Variants in MGA observed in about 807,000 individuals in gnomAD.
MGA encodes the protein MAX gene-associated protein.
Under a neutral mutation model 261.1 loss-of-function variants are expected in MGA, and 40 were observed. The ratio of observed to expected loss-of-function variants is 0.15; its 90% CI spans 0.12 to 0.20. MGA has a LOEUF of 0.20. MGA is among the 10% of genes least tolerant of loss of function. MGA has a pLI of 1.00. For missense variants in MGA, 3,397 were observed against 3,630.5 expected (o/e 0.94, Z 1.65); for synonymous variants, 1,302 against 1,290.6 (o/e 1.01, Z -0.19).
chr15:41,710,750 G>A lies in MGA; in HGVS notation c.2485G>A (p.Glu829Lys). The A allele has an allele frequency of 1.9e-6, 3 of 1,613,808 alleles. No homozygotes were observed. Among genetic ancestry groups the A allele is most frequent in the South Asian group, 2.2e-5 (2 of 91,070 alleles). ...TGCTTTCTGTAGTGATAAGCTAGAT[G>A]AATACTTGGAAAATGAAGGCAAGCT... is the stretch of plus-strand genomic sequence containing the variant. Residue 829 changes from glutamate (E) to lysine (K), a missense_variant, in exon 8 of 24, where the codon GAA (glutamate) becomes AAA (lysine). Coordinates refer to ENST00000219905, the MANE Select transcript of MGA (RefSeq NM_001164273.2).
At chr15:41,621,641 GGTGGC>G (rs1410028496) in intron 1 of MGA, 2 of 152,106 alleles carry the variant, frequency 1.3e-5, no homozygotes, top group Non-Finnish European at 2.9e-5. Context: ...CCACGCGCCT[GGTGGC>G]GTGTTCTTGG....
rs574743877 is a variant in MGA, at chr15:41,697,152, G to T, written c.2013+129G>T. On this transcript the variant is annotated intron_variant, in intron 3 of 23. Transcript: ENST00000219905. ...TTTGTGAGGGTGTATGGGGGGTGGA[G>T]TTGGGAGGGAAGTGTCTCCAAAATG... is the stretch of plus-strand genomic sequence containing the variant. The T allele has an allele frequency of 4.8e-4, 360 of 752,458 alleles. 1 individual carries two copies. The South Asian group carries it at 8.1e-3, about 17-fold the overall frequency. 46.6% of individuals were successfully genotyped at this position (752,458 alleles called of 1,614,324 possible).
intron 16 of MGA, 21 bp from the exon 17 acceptor site, chr15:41,749,088 TTC>T (rs759348542): frequency 1.0e-5 from 16 of 1,586,806 alleles, no homozygotes; most frequent in East Asian, 2.2e-5. Flanking sequence ...ATTTAAAAAT[TTC>T]TCTCTTATTT....
chr15:41,695,863 G>C (rs2059529261), intron 2 of MGA, among the ~76,000 whole-genome samples: 2 of 152,154 alleles, frequency 1.3e-5, no homozygotes, highest in South Asian at 4.1e-4. Flanking sequence ...TCCGGTTTGT[G>C]TTGCAATTCT....
chr15:41,696,222 GGAAGAGACAGAT>G lies in MGA; in HGVS notation c.1221_1232del (p.Glu409_Asp412del). The G allele has an allele frequency of 7.4e-6, 12 of 1,613,970 alleles. No individual in the cohort carries two copies. The highest frequency in any genetic ancestry group is 1.0e-5 in the Non-Finnish European group (12 of 1,179,896). ...GCCCAGAAGGGGTCACTGTGAAACA[GGAAGAGACAGAT>G]GAAGAGACGGATGTATACTCAAACA... On this transcript the variant is annotated inframe_deletion, in exon 3 of 24. Transcript: ENST00000219905.
rs767990385 is a variant in MGA, at chr15:41,710,840, A to G, written c.2575A>G (p.Thr859Ala). Reference sequence around the variant, plus strand: ...ATCTCCTGTGGTGTACCAGCTTCCCACTAAGAGTACCAGTTATGTACGAAC... The same window carrying G: ...ATCTCCTGTGGTGTACCAGCTTCCCGCTAAGAGTACCAGTTATGTACGAAC... The change falls in exon 8 of 24, where the codon ACT becomes GCT. Residue 859 changes from threonine (T) to alanine (A), a missense_variant. Thr to Ala is a moderately conservative substitution (Grantham distance 58, BLOSUM62 0). Around this residue, in one of 9 missense-constraint regions of MGA, gnomAD observed 519 missense variants for 554.1 expected, o/e 0.94. Coordinates refer to ENST00000219905, the MANE Select transcript of MGA (RefSeq NM_001164273.2). 5 of 1,613,856 alleles carry G rather than the reference A, an allele frequency of 3.1e-6. No homozygotes were observed. The South Asian group carries it at 5.5e-5, about 18-fold the overall frequency.
chr15:41,641,248 G>A (rs1261413626), intron 1 of MGA, among the ~76,000 whole-genome samples: 1 of 152,038 alleles, frequency 6.6e-6, no homozygotes, highest in Non-Finnish European at 1.5e-5. Context: ...ATGAACATTT[G>A]GGTTATTTTC....
At chr15:41,725,132 T>C (rs1402610176) in intron 9 of MGA, among the ~76,000 whole-genome samples, 2 of 152,200 alleles carry the variant, frequency 1.3e-5, no homozygotes, top group East Asian at 1.9e-4. Context: ...GAAATACATT[T>C]ACTTCACTAC....
chr15:41,722,449 T>C (rs2060998874), intron 9 of MGA, among the ~76,000 whole-genome samples: 1 of 151,954 alleles, frequency 6.6e-6, no homozygotes, highest in Admixed American at 6.6e-5. Context: ...AAAATTAAGG[T>C]ATGATATTTA....
At chr15:41,726,589 T>C (rs1381013878) in intron 9 of MGA, among the ~76,000 whole-genome samples, 1 of 151,832 alleles carries the variant, frequency 6.6e-6, no homozygotes, top group Non-Finnish European at 1.5e-5. Context: ...ATTAGCCAGG[T>C]GTGGTGGCAT....
At chr15:41,675,009 G>A (rs1462504420) in intron 2 of MGA, among the ~76,000 whole-genome samples, 1 of 152,020 alleles carries the variant, frequency 6.6e-6, no homozygotes, top group African/African-American at 2.4e-5. Flanking sequence ...CATTGTTTTT[G>A]CCTCCTTACA....
chr15:41,690,994 G>GTTTTTT (rs386382831), intron 2 of MGA, among the ~76,000 whole-genome samples: 24 of 104,292 alleles, frequency 2.3e-4, no homozygotes, highest in East Asian at 1.8e-3. Flanking sequence ...AGATTGCTTT[G>GTTTTTT]TTTTTTTTTT....
At chr15:41,650,364 G>C (rs1481845949) in intron 1 of MGA, among the ~76,000 whole-genome samples, 1 of 152,120 alleles carries the variant, frequency 6.6e-6, no homozygotes, top group East Asian at 1.9e-4. Context: ...TCAACTTCTA[G>C]ACATTCTTTA....
chr15:41,671,997 A>T (rs903516297), intron 2 of MGA, among the ~76,000 whole-genome samples: 8 of 152,228 alleles, frequency 5.3e-5, no homozygotes, highest in Non-Finnish European at 1.2e-4. Context: ...TTGATTATCT[A>T]ACATAATTAA....
At position 41,742,540 on chromosome 15, in the gene MGA, T is replaced by C. The variant is rs754820129; in HGVS notation, c.4586-6T>C. The C allele has an allele frequency of 1.9e-6, 3 of 1,607,736 alleles. No homozygotes were observed. ...AGATTTTTGACCTGCAAATTTCTGT[T>C]TGCAGCGGCTCGACCCTCTCCTGGT... is the stretch of plus-strand genomic sequence containing the variant. On this transcript the variant is annotated splice_region_variant and splice_polypyrimidine_tract_variant and intron_variant, in intron 14 of 23. Coordinates refer to ENST00000219905, the MANE Select transcript of MGA (RefSeq NM_001164273.2).
At chr15:41,680,316 A>C (rs2058599549) in intron 2 of MGA, among the ~76,000 whole-genome samples, 1 of 152,234 alleles carries the variant, frequency 6.6e-6, no homozygotes, top group Non-Finnish European at 1.5e-5. Flanking sequence ...CAATAATGTT[A>C]CTAATCTACT....
At chr15:41,678,160 G>A (rs965042715) in intron 2 of MGA, among the ~76,000 whole-genome samples, 2 of 148,590 alleles carry the variant, frequency 1.3e-5, no homozygotes, top group African/African-American at 2.5e-5. Context: ...GTGTGATCTC[G>A]ACTCACTGCA....
intron 2 of MGA, among the ~76,000 whole-genome samples, chr15:41,686,076 C>G (rs776292094): frequency 7.9e-5 from 12 of 151,590 alleles, no homozygotes; most frequent in Non-Finnish European, 1.5e-4. Context: ...CTGAGTTTTA[C>G]TAATTTATAG....
chr15:41,625,118 G>A (rs925685750), intron 1 of MGA, among the ~76,000 whole-genome samples: 36 of 152,126 alleles, frequency 2.4e-4, no homozygotes, highest in African/African-American at 8.5e-4. Context: ...CTCCAGATTG[G>A]CCAACAGAGT....
Sources: gnomAD v4.1 joint callset for allele counts (sites outside exome capture counted in the v4.1 genomes callset) on GRCh38, gnomAD v4.1.1 for gene constraint, gnomAD v4.1.1 regional missense constraint, MANE v1.5 for transcripts, NCBI Gene and HGNC (gene_info 2026-07-23, HGNC 2026-07-21) for gene names.